CD96: variants seen among roughly 807,000 people sequenced by gnomAD.
CD96 encodes T-cell surface protein tactile.
CD96 carries 70 observed loss-of-function variants against 71.3 expected under a neutral mutation model. The observed-to-expected ratio is 0.98, with a 90% CI of 0.81 to 1.20. The LOEUF (loss-of-function observed/expected upper bound fraction) is 1.20. CD96 is among the 50% of genes most tolerant of loss of function. The probability of loss-of-function intolerance (pLI) is 0.00; values close to 1 mark genes in which losing one functional copy is unlikely to be tolerated. For missense variants in CD96, 742 were observed against 677.5 expected, an observed-to-expected ratio of 1.10 and a Z score of -1.06; for synonymous variants, 248 against 233.0, an observed-to-expected ratio of 1.06 and a Z score of -0.59.
chr3:111,580,442 A>T (rs1936413483), intron 4 of CD96, among the ~76,000 whole-genome samples: 1 of 121,144 alleles, frequency 8.3e-6, no homozygotes, highest in Non-Finnish European at 1.8e-5. Flanking sequence ...CAAAGAGAAA[A>T]GCAGTGAGGT....
At chr3:111,638,882 G>A (rs1248261087) in intron 12 of CD96, among the ~76,000 whole-genome samples, 1 of 152,018 alleles carries the variant, frequency 6.6e-6, no homozygotes, top group Non-Finnish European at 1.5e-5. Flanking sequence ...TTAAAGAGCT[G>A]TCTAGTTTAG....
chr3:111,555,830 A>G (rs1934983194), intron 2 of CD96, among the ~76,000 whole-genome samples: 1 of 152,388 alleles, frequency 6.6e-6, no homozygotes, highest in Admixed American at 6.5e-5. Context: ...GTTTTTGGCC[A>G]TTTTTTCTTC....
At chr3:111,571,604 A>G (rs1458627751) in intron 3 of CD96, among the ~76,000 whole-genome samples, 4 of 152,104 alleles carry the variant, frequency 2.6e-5, no homozygotes, top group African/African-American at 9.7e-5. Flanking sequence ...ATCCACTAGA[A>G]CCTCAAGCCA....
intron 4 of CD96, chr3:111,579,452 G>A (rs1158643156): frequency 8.0e-6 from 5 of 624,384 alleles, no homozygotes; most frequent in Admixed American, 2.3e-5. Context: ...TCATACAGAA[G>A]CCAATAATTT....
downstream of CD96, among the ~76,000 whole-genome samples, chr3:111,653,797 G>C (rs1040633673): frequency 1.3e-5 from 2 of 151,596 alleles, no homozygotes; most frequent in African/African-American, 4.8e-5. Flanking sequence ...TTAGCCAAAA[G>C]GCTGAGAAGC....
At chr3:111,628,711 T>A (rs1576410607) in intron 10 of CD96, among the ~76,000 whole-genome samples, 1 of 151,954 alleles carries the variant, frequency 6.6e-6, no homozygotes, top group East Asian at 1.9e-4. Flanking sequence ...CACATAATCG[T>A]CAGATTCTCC....
At chr3:111,579,362 C>T (rs746415193) in intron 4 of CD96, 128 bp downstream of exon 4, 1 of 738,898 alleles carries the variant, frequency 1.4e-6, no homozygotes, top group Non-Finnish European at 2.5e-6. Flanking sequence ...AGTCTGTTTC[C>T]CTGGATACTT....
chr3:111,649,814 A>G lies in CD96; in HGVS notation c.*8A>G. On this transcript the variant is annotated 3_prime_UTR_variant, in exon 14 of 14. Transcript: ENST00000352690. ...GAGATGGAGACCCTCTAGTCTCGTG[A>G]GACTTTGCCCCATGGCAGAACTCTG... The G allele has an allele frequency of 1.3e-6, 2 of 1,535,530 alleles. No individual in the cohort carries two copies. The highest frequency in any genetic ancestry group is 1.8e-6 in the Non-Finnish European group (2 of 1,108,326).
In CD96 at chr3:111,588,301, C is replaced by G. The variant is rs530460966; in HGVS notation, c.807+2923C>G. Among the ~76,000 whole-genome samples the G allele has an allele frequency of 4.3e-3, 656 of 152,314 alleles. 5 individuals carry two copies. Among genetic ancestry groups the G allele is most frequent in the African/African-American group, 0.013 (552 of 41,564 alleles). On this transcript the variant is annotated intron_variant, in intron 5 of 13. Transcript: ENST00000352690. ...AGGGTAGGGGCAAAATGCCACCAGT[C>G]TCTTAACTAAAACATAACAAGAGTC...
chr3:111,602,957 C>T (rs764005954), intron 7 of CD96, among the ~76,000 whole-genome samples: 1 of 152,074 alleles, frequency 6.6e-6, no homozygotes, highest in Non-Finnish European at 1.5e-5. Flanking sequence ...GGTAACAGCC[C>T]TTTGAGGTGA....
intron 3 of CD96, among the ~76,000 whole-genome samples, chr3:111,575,101 A>T (rs377536311): frequency 1.3e-5 from 2 of 152,116 alleles, no homozygotes; most frequent in African/African-American, 4.8e-5. Flanking sequence ...GCCCTTAAGT[A>T]GATTATAAGT....
At chr3:111,546,635 G>A (rs1311270010) in intron 2 of CD96, among the ~76,000 whole-genome samples, 4 of 152,060 alleles carry the variant, frequency 2.6e-5, no homozygotes, top group African/African-American at 9.7e-5. Context: ...AAAATGCACT[G>A]GCAGTGGACT....
At chr3:111,655,480 A>T (rs1940206865), downstream of CD96, among the ~76,000 whole-genome samples, 2 of 152,218 alleles carry the variant, frequency 1.3e-5, no homozygotes, top group African/African-American at 4.8e-5. Flanking sequence ...ATAAAGAAAA[A>T]GGTATGATTT....
intron 8 of CD96, among the ~76,000 whole-genome samples, chr3:111,620,980 A>G (rs1354298700): frequency 2.0e-5 from 3 of 152,240 alleles, no homozygotes; most frequent in African/African-American, 7.2e-5. Context: ...TCATTTTAAT[A>G]TAAATGAAAT....
At chr3:111,578,003 T>G (rs1167115600) in intron 3 of CD96, among the ~76,000 whole-genome samples, 1 of 152,172 alleles carries the variant, frequency 6.6e-6, no homozygotes, top group Non-Finnish European at 1.5e-5. Context: ...TTAAAAGCAA[T>G]TGTCCTAGCT....
At chr3:111,642,782 G>C (rs1055746965) in intron 12 of CD96, among the ~76,000 whole-genome samples, 1 of 151,906 alleles carries the variant, frequency 6.6e-6, no homozygotes, top group African/African-American at 2.4e-5. Context: ...ACTCCAGCCT[G>C]GGTGACAAAC....
chr3:111,560,310 T>A (rs1386968682), intron 2 of CD96, among the ~76,000 whole-genome samples: 9 of 152,154 alleles, frequency 5.9e-5, no homozygotes, highest in African/African-American at 2.2e-4. Flanking sequence ...GTCTCGATGG[T>A]CTTTACATTT....
At chr3:111,639,036 T>C (rs1218971438) in intron 12 of CD96, among the ~76,000 whole-genome samples, 2 of 152,212 alleles carry the variant, frequency 1.3e-5, no homozygotes, top group Non-Finnish European at 2.9e-5. Flanking sequence ...TGAGGGATCA[T>C]GGCAGACAGG....
chr3:111,623,264 G>A lies in CD96; in HGVS notation c.1181-490G>A, dbSNP rs1186196860. ...TCTTTCATTTTGGGGGAGTGAGGGG[G>A]AAGGAAGAGAATGTAACAATTATGG... On this transcript the variant is annotated intron_variant, in intron 8 of 13. Transcript: ENST00000352690. Among the ~76,000 whole-genome samples the A allele has an allele frequency of 2.6e-5, 4 of 152,236 alleles. No homozygotes were observed. In the East Asian group the frequency reaches 7.7e-4, roughly 29 times the overall value.
Sources: allele counts gnomAD v4.1 joint callset (sites outside exome capture counted in the v4.1 genomes callset), GRCh38; gene constraint gnomAD v4.1.1; transcripts MANE v1.5; gene names NCBI Gene and HGNC (gene_info 2026-07-23, HGNC 2026-07-21).